Variants in SLCO4C1 observed in about 807,000 individuals in gnomAD.
SLCO4C1 encodes solute carrier organic anion transporter family member 4C1, also known as organic anion transporter M1.
SLCO4C1 carries 58 observed loss-of-function variants against 72.1 expected under a neutral mutation model. The observed-to-expected ratio is 0.80, with a 90% CI of 0.65 to 1.00. SLCO4C1 has a LOEUF of 1.00. Ranked by LOEUF, SLCO4C1 falls within the 50% of genes least tolerant of loss-of-function variation. The pLI, the probability that SLCO4C1 is intolerant of heterozygous loss-of-function variation, is 0.00. For missense variants in SLCO4C1, 898 were observed against 857.9 expected, an observed-to-expected ratio of 1.05 and a Z score of -0.58; for synonymous variants, 297 against 312.5, an observed-to-expected ratio of 0.95 and a Z score of 0.52.
intron 3 of SLCO4C1, among the ~76,000 whole-genome samples, chr5:102,264,656 T>TTTTTTTTTTTTTTTTTTGAGACGGA (rs1561373605): frequency 2.0e-5 from 3 of 152,008 alleles, no homozygotes; most frequent in Admixed American, 6.6e-5. Context: ...TCTAGCTTTT[T>TTTTTTTTTTTTTTTTTTGAGACGGA]GAACATATAC....
In SLCO4C1 at chr5:102,257,963, C is replaced by A; in HGVS notation, c.1253G>T (p.Ser418Ile). Residue 418 changes from serine (S) to isoleucine (I), a missense_variant, in exon 7 of 13, where the codon AGC becomes ATC. Coordinates refer to ENST00000310954, the MANE Select transcript of SLCO4C1 (RefSeq NM_180991.5). The part of the protein sequence containing the change: ...FIENQFGLTS[S>I]FAATLGGAVL... ...TTTACCTCCAAGAGTAGCTGCGAAG[C>A]TGGATGTCAATCCGAATTGATTTTC... 6.2e-7 allele frequency: 1 copy of A among 1,604,254 alleles called. No individual in the cohort carries two copies. The highest frequency in any genetic ancestry group is 8.5e-7 in the Non-Finnish European group (1 of 1,176,988).
rs1268554197 is a variant in SLCO4C1 at position 102,257,945 on chromosome 5, C to A, written c.1271G>T (p.Gly424Val). Residue 424 changes from glycine (G) to valine (V), a missense_variant and splice_region_variant, in exon 7 of 13, where the codon GGA (glycine) becomes GTA (valine). Gly to Val is a moderately radical substitution (Grantham distance 109, BLOSUM62 -3). Coordinates refer to ENST00000310954, the MANE Select transcript of SLCO4C1 (RefSeq NM_180991.5). ...GLTSSFAATL[G>V]GAVLIPGAAL... ...TTAAGATAAAGAAAATGTTTTACCT[C>A]CAAGAGTAGCTGCGAAGCTGGATGT... The A allele has an allele frequency of 6.3e-7, 1 of 1,599,898 alleles. No individual in the cohort carries two copies. The highest frequency in any genetic ancestry group is 8.5e-7 in the Non-Finnish European group (1 of 1,176,050).
intron 10 of SLCO4C1, among the ~76,000 whole-genome samples, chr5:102,246,365 A>T (rs1748636757): frequency 6.6e-6 from 1 of 152,138 alleles, no homozygotes; most frequent in South Asian, 2.1e-4. Context: ...AGTGGCTACT[A>T]TGAGCAACAA....
intron 1 of SLCO4C1, among the ~76,000 whole-genome samples, chr5:102,292,971 A>G (rs1188986662): frequency 4.6e-5 from 7 of 152,022 alleles, no homozygotes; most frequent in African/African-American, 1.4e-4. Context: ...GGTATGATAA[A>G]TTGTTTTCAT....
chr5:102,271,891 T>C (rs972947606), intron 2 of SLCO4C1, among the ~76,000 whole-genome samples: 2 of 152,084 alleles, frequency 1.3e-5, no homozygotes, highest in African/African-American at 4.8e-5. Flanking sequence ...TATGTGTGTA[T>C]ATGTTGCGAA....
intron 7 of SLCO4C1, among the ~76,000 whole-genome samples, chr5:102,257,514 T>C (rs752814660): frequency 6.6e-6 from 1 of 152,200 alleles, no homozygotes; most frequent in Non-Finnish European, 1.5e-5. Context: ...AAGATTAATA[T>C]ATGTTCTCTT....
chr5:102,265,450 G>C (rs549056493), intron 3 of SLCO4C1, among the ~76,000 whole-genome samples: 5 of 152,122 alleles, frequency 3.3e-5, no homozygotes, highest in Admixed American at 1.3e-4. Context: ...TTATAGTTCT[G>C]AGTCTTACAT....
chr5:102,281,382 C>A (rs1339121409), intron 2 of SLCO4C1, among the ~76,000 whole-genome samples: 5 of 151,916 alleles, frequency 3.3e-5, no homozygotes, highest in African/African-American at 1.2e-4. Context: ...CAGAGCTAGG[C>A]AAAGGGTTTT....
Position 102,240,782 on chromosome 5 carries a change from C to A in SLCO4C1, c.1812G>T (p.Arg604Ser). ...GGGACCGTTGTCTGTGATTAACACA[C>A]CTGGAAATATTAAATATATATGAGA... ...AGTPITVSIL[R>S]CVNHRQRSLA... The change falls in exon 11 of 13, where the codon AGG becomes AGT. Residue 604 changes from arginine (R) to serine (S), a missense_variant and splice_region_variant. Coordinates refer to ENST00000310954, the MANE Select transcript of SLCO4C1 (RefSeq NM_180991.5). 1 of 1,609,090 alleles carries A rather than the reference C, an allele frequency of 6.2e-7. No individual in the cohort carries two copies. The highest frequency in any genetic ancestry group is 8.5e-7 in the Non-Finnish European group (1 of 1,176,592).
chr5:102,257,326 A>T lies in SLCO4C1; in HGVS notation c.1274-16T>A. 1 of 1,565,996 alleles carries T rather than the reference A, an allele frequency of 6.4e-7. No homozygotes were observed. Among genetic ancestry groups the T allele is most frequent in the South Asian group, 1.2e-5 (1 of 82,666 alleles). On this transcript the variant is annotated splice_polypyrimidine_tract_variant and intron_variant, in intron 7 of 12. Coordinates refer to ENST00000310954, the MANE Select transcript of SLCO4C1 (RefSeq NM_180991.5). ...AAAACAGCCCCTAATAAGAAAAAAG[A>T]ATGTAGATTGTGAGAAACCATACAC...
chr5:102,254,944 G>T (rs1385140834), intron 8 of SLCO4C1, among the ~76,000 whole-genome samples: 2 of 152,050 alleles, frequency 1.3e-5, no homozygotes, highest in African/African-American at 4.8e-5. Flanking sequence ...AGACTAGTTT[G>T]ACTGACCTGT....
chr5:102,285,040 C>T (rs1341377023), intron 2 of SLCO4C1, among the ~76,000 whole-genome samples: 1 of 152,058 alleles, frequency 6.6e-6, no homozygotes, highest in Non-Finnish European at 1.5e-5. Context: ...AGAAGCTTTA[C>T]AAAGTAATCA....
chr5:102,272,941 T>A (rs970752470), intron 2 of SLCO4C1, among the ~76,000 whole-genome samples: 1 of 149,114 alleles, frequency 6.7e-6, no homozygotes, highest in Non-Finnish European at 1.5e-5. Flanking sequence ...CAAGACTTCA[T>A]CTCAAAAAAA....
chr5:102,288,330 C>T (rs1415357678), intron 2 of SLCO4C1, among the ~76,000 whole-genome samples: 1 of 152,120 alleles, frequency 6.6e-6, no homozygotes, highest in East Asian at 1.9e-4. Flanking sequence ...AAAAACGGCC[C>T]CAGCTGATCA....
rs7734322 is a variant in SLCO4C1, at chr5:102,289,627, T to C, written c.619+1716A>G. On this transcript the variant is annotated intron_variant, in intron 2 of 12. Transcript: ENST00000310954. Reference sequence around the variant, plus strand: ...CCTTACGATTTAGATTTCAATAGTGTTATACTAAAGCCTACGCTGCAATAT... The same window carrying C: ...CCTTACGATTTAGATTTCAATAGTGCTATACTAAAGCCTACGCTGCAATAT... Among the ~76,000 whole-genome samples, 1,041 of 152,322 alleles carry C rather than the reference T, an allele frequency of 6.8e-3. 13 individuals are homozygous for C. The highest frequency in any genetic ancestry group is 0.024 in the African/African-American group (986 of 41,570).
At chr5:102,281,723 A>T (rs574352745) in intron 2 of SLCO4C1, among the ~76,000 whole-genome samples, 1 of 152,136 alleles carries the variant, frequency 6.6e-6, no homozygotes, top group Non-Finnish European at 1.5e-5. Flanking sequence ...ACACAACGAG[A>T]TTTCACTGTA....
At chr5:102,291,239 T>C in intron 2 of SLCO4C1, 104 bp downstream of exon 2, 1 of 1,236,774 alleles carries the variant, frequency 8.1e-7, no homozygotes, top group South Asian at 1.5e-5. Context: ...GGAAGAGATG[T>C]AAACCCTTAC....
intron 1 of SLCO4C1, among the ~76,000 whole-genome samples, chr5:102,293,673 A>G (rs974394132): frequency 6.6e-6 from 1 of 152,220 alleles, no homozygotes; most frequent in African/African-American, 2.4e-5. Flanking sequence ...ATGGCAATAA[A>G]GTTTTCAGGC....
At chr5:102,247,469 G>T in intron 9 of SLCO4C1, 27 bp from the exon 10 acceptor site, 1 of 1,383,478 alleles carries the variant, frequency 7.2e-7, no homozygotes, top group Non-Finnish European at 9.8e-7. Flanking sequence ...TAAAAACAAT[G>T]AAAGTGATCA....
Sources: gnomAD v4.1 joint callset for allele counts (sites outside exome capture counted in the v4.1 genomes callset) on GRCh38, gnomAD v4.1.1 for gene constraint, MANE v1.5 for transcripts, NCBI Gene and HGNC (gene_info 2026-07-23, HGNC 2026-07-21) for gene names.